MBNL1: variants seen among roughly 807,000 people sequenced by gnomAD.
MBNL1 encodes muscleblind like splicing regulator 1, also known as muscleblind-like protein 1.
In MBNL1, 8 loss-of-function variants were observed where a neutral mutation model predicts 42.2. The ratio of observed to expected loss-of-function variants is 0.19; its 90% CI spans 0.11 to 0.34. The LOEUF is 0.34. Ranked by LOEUF, MBNL1 falls within the 10% of genes least tolerant of loss-of-function variation. The pLI, the probability that MBNL1 is intolerant of heterozygous loss-of-function variation, is 1.00. For missense variants in MBNL1, 309 were observed against 495.3 expected, an observed-to-expected ratio of 0.62 and a Z score of 3.57; for synonymous variants, 169 against 173.9, an observed-to-expected ratio of 0.97 and a Z score of 0.22.
At chr3:152,250,155 G>GAAAGTCATT (rs1386688236) in intron 2 of MBNL1, among the ~76,000 whole-genome samples, 1 of 152,002 alleles carries the variant, frequency 6.6e-6, no homozygotes, top group Non-Finnish European at 1.5e-5. Flanking sequence ...ATTCTGTGAA[G>GAAAGTCATT]AAAGTCATTG....
intron 6 of MBNL1, among the ~76,000 whole-genome samples, chr3:152,452,750 A>G (rs182889096): frequency 4.6e-5 from 7 of 152,142 alleles, no homozygotes; most frequent in Admixed American, 4.6e-4. Flanking sequence ...TTGCTTACCT[A>G]CCATCTTCAG....
chr3:152,445,253 T>A (rs2099206388), intron 4 of MBNL1, 29 bp from the exon 5 acceptor site: 1 of 1,585,294 alleles, frequency 6.3e-7, no homozygotes, highest in Non-Finnish European at 8.6e-7. Context: ...TCATGTTGAC[T>A]AAACCTCATG....
chr3:152,259,773 TGAA>T (rs1274373427), intron 2 of MBNL1, among the ~76,000 whole-genome samples: 1 of 152,198 alleles, frequency 6.6e-6, no homozygotes, highest in African/African-American at 2.4e-5. Flanking sequence ...TCCTTACAAA[TGAA>T]GAAGAATTCA....
At position 152,355,081 on chromosome 3, in the gene MBNL1, A is replaced by G. The variant is rs540470775; in HGVS notation, c.174+54714A>G. The stretch of plus-strand genomic sequence containing the variant: ...GAGCTTGGCATTTTTTTTTATGCTC[A>G]ATACATTGAGTGAAGGAATGAGCAA... On this transcript the variant is annotated intron_variant, in intron 2 of 9. Transcript: ENST00000324210. 1.2e-3 allele frequency among the ~76,000 whole-genome samples: 179 copies of G among 152,232 alleles called. 2 individuals are homozygous for G. The highest frequency in any genetic ancestry group is 3.4e-3 in the Middle Eastern group (1 of 294).
At chr3:152,399,867 T>A (rs2098138945) in intron 2 of MBNL1, among the ~76,000 whole-genome samples, 1 of 152,158 alleles carries the variant, frequency 6.6e-6, no homozygotes, top group Non-Finnish European at 1.5e-5. Flanking sequence ...ATTTTCCATC[T>A]CTATTATAGT....
rs752025816 is a variant in MBNL1 at position 152,462,754 on chromosome 3, G to A, written c.*388G>A. 1.2e-4 allele frequency: 19 copies of A among 152,124 alleles called. No homozygotes were observed. The highest frequency in any genetic ancestry group is 5.8e-4 in the East Asian group (3 of 5,206). 9.4% of individuals were successfully genotyped at this position (152,124 alleles called of 1,614,324 possible). ...CCATGATTCTATTATGTATTGGTAC[G>A]TCTGTAGACCAAGATATAATTTTTT... On this transcript the variant is annotated 3_prime_UTR_variant, in exon 10 of 10. Transcript: ENST00000324210.
At chr3:152,290,509 G>T (rs1401605625) in intron 1 of MBNL1, among the ~76,000 whole-genome samples, 1 of 151,950 alleles carries the variant, frequency 6.6e-6, no homozygotes, top group East Asian at 1.9e-4. Flanking sequence ...AATGTATGAG[G>T]TGCTGTGGAA....
At chr3:152,266,694 G>A (rs1435396104), upstream of MBNL1, 3 of 152,134 alleles carry the variant, frequency 2.0e-5, no homozygotes, top group African/African-American at 7.2e-5. Flanking sequence ...ACAGACAATG[G>A]GAGGCAAAAT....
chr3:152,462,151 A>G (rs1200467806), intron 9 of MBNL1, among the ~76,000 whole-genome samples: 1 of 152,084 alleles, frequency 6.6e-6, no homozygotes, highest in Non-Finnish European at 1.5e-5. Flanking sequence ...AGGATTGGTA[A>G]ATTTTGGAGC....
intron 3 of MBNL1, among the ~76,000 whole-genome samples, chr3:152,426,164 CG>C (rs58517379): frequency 4.6e-4 from 45 of 98,634 alleles, no homozygotes; most frequent in Non-Finnish European, 6.1e-4. Context: ...CATGTGGGCA[CG>C]GGGGGGGAAC....
In MBNL1 at chr3:152,445,449, C is replaced by G. The variant is rs200894560; in HGVS notation, c.717C>G (p.Pro239=). 1.9e-6 allele frequency: 3 copies of G among 1,614,082 alleles called. No individual in the cohort carries two copies. Among genetic ancestry groups the G allele is most frequent in the East Asian group, 4.5e-5 (2 of 44,884 alleles). The change falls in exon 5 of 10, where the codon CCC becomes CCG. Residue 239 remains proline (P), a synonymous_variant. Coordinates refer to ENST00000324210, the MANE Select transcript of MBNL1 (RefSeq NM_021038.5). ...CSREKCKYFH[P]PAHLQAKIKA... is the part of the protein sequence containing the mutation. The stretch of plus-strand genomic sequence containing the variant: ...GGGAAAAGTGCAAATACTTTCATCC[C>G]CCTGCACATTTGCAAGCCAAGATCA...
At chr3:152,265,742 A>G (rs1363000194), upstream of MBNL1, 1 of 152,188 alleles carries the variant, frequency 6.6e-6, no homozygotes, top group African/African-American at 2.4e-5. Context: ...CTGAAAATGT[A>G]GTTTATTTCA....
chr3:152,395,164 C>G (rs759998025), intron 2 of MBNL1, among the ~76,000 whole-genome samples: 3 of 152,058 alleles, frequency 2.0e-5, no homozygotes, highest in Non-Finnish European at 4.4e-5. Context: ...CGGCCTTCAG[C>G]TTTTATTTAA....
intron 2 of MBNL1, chr3:152,300,932 T>C (rs2060479223): frequency 1.0e-6 from 1 of 984,410 alleles, no homozygotes; most frequent in African/African-American, 1.7e-5. Context: ...GGTGCTGAAC[T>C]GCTGCTACAG....
chr3:152,277,054 TAATC>T (rs1200872961), intron 1 of MBNL1, among the ~76,000 whole-genome samples: 6 of 152,196 alleles, frequency 3.9e-5, no homozygotes, highest in Non-Finnish European at 7.4e-5. Context: ...AAAAAACTTT[TAATC>T]AATCAAAAAT....
At chr3:152,320,760 C>T (rs540743038) in intron 2 of MBNL1, among the ~76,000 whole-genome samples, 7 of 145,224 alleles carry the variant, frequency 4.8e-5, no homozygotes, top group East Asian at 2.0e-4. Context: ...GTGTTTATTA[C>T]GAGAGGAACA....
chr3:152,438,977 T>C (rs1348970537), intron 4 of MBNL1, among the ~76,000 whole-genome samples: 3 of 152,184 alleles, frequency 2.0e-5, no homozygotes, highest in Admixed American at 1.3e-4. Context: ...TAGATTGACA[T>C]TTGGTTAGCT....
intron 2 of MBNL1, among the ~76,000 whole-genome samples, chr3:152,334,292 T>A (rs1243082185): frequency 6.6e-6 from 1 of 152,214 alleles, no homozygotes; most frequent in African/African-American, 2.4e-5. Flanking sequence ...ATTTTACTTA[T>A]CCTTTGTTGA....
At chr3:152,407,743 T>C (rs989398180) in intron 2 of MBNL1, among the ~76,000 whole-genome samples, 7 of 152,270 alleles carry the variant, frequency 4.6e-5, no homozygotes, top group African/African-American at 1.7e-4. Context: ...TGCCCATCAA[T>C]GATAGACTGG....
Sources: gnomAD v4.1 joint callset for allele counts (sites outside exome capture counted in the v4.1 genomes callset) on GRCh38, gnomAD v4.1.1 for gene constraint, MANE v1.5 for transcripts, NCBI Gene and HGNC (gene_info 2026-07-23, HGNC 2026-07-21) for gene names.